The following MED6 variants were observed in gnomAD, a reference collection of about 807,000 sequenced individuals.
MED6 encodes mediator complex subunit 6.
MED6 carries 33 observed loss-of-function variants against 37.5 expected under a neutral mutation model. That is an observed-to-expected ratio of 0.88 (90% CI 0.67 to 1.18). The LOEUF is 1.18. Among genes scored for constraint, MED6 ranks in the 50% most tolerant of loss-of-function variants. The pLI is 0.00. For synonymous variants in MED6, 94 were observed against 93.6 expected (o/e 1.00, Z -0.02); for missense variants, 235 against 290.6 (o/e 0.81, Z 1.39).
intron 3 of MED6, chr14:70,595,076 A>G (rs1885001984): frequency 1.8e-6 from 1 of 544,372 alleles, no homozygotes; most frequent in Non-Finnish European, 3.7e-6. Flanking sequence ...CTGGCCATGT[A>G]TCAGTCTGTG....
rs1282841723 is a variant in MED6 at position 70,583,941 on chromosome 14, C to G, written c.*872G>C. On this transcript the variant is annotated 3_prime_UTR_variant, in exon 8 of 8. Coordinates refer to ENST00000256379, the MANE Select transcript of MED6 (RefSeq NM_005466.4). The stretch of plus-strand genomic sequence containing the variant: ...CAATCAATGCTGGACTTCTCAGCCT[C>G]CATAACTTTAAAAAAAATAAAATTC... 4.5e-6 allele frequency: 2 copies of G among 444,416 alleles called. No homozygotes were observed. The highest frequency in any genetic ancestry group is 7.9e-6 in the Non-Finnish European group (2 of 253,164). The allele number at this position is 444,416 out of a possible 1,614,324, so 27.5% of individuals were successfully genotyped here. A position where few individuals can be genotyped will look rare whatever the true frequency, so the allele number is the denominator to read the frequency against.
In MED6 at chr14:70,591,597, A is replaced by C. The variant is rs988056386; in HGVS notation, c.467-216T>G. Reference sequence around the variant, plus strand: ...AAGTTAAATTCTAACATTTAAGCTGATACATATGTCTTTTAAAGATACTTC... The same window carrying C: ...AAGTTAAATTCTAACATTTAAGCTGCTACATATGTCTTTTAAAGATACTTC... On this transcript the variant is annotated intron_variant, in intron 5 of 7. Coordinates refer to ENST00000256379, the MANE Select transcript of MED6 (RefSeq NM_005466.4). 2.0e-5 allele frequency: 9 copies of C among 440,998 alleles called. No homozygotes were observed. In the Admixed American group the frequency reaches 3.0e-4, roughly 15 times the overall value. 27.3% of individuals were successfully genotyped at this position (440,998 alleles called of 1,614,324 possible).
chr14:70,593,477 G>C, intron 3 of MED6, 99 bp from the exon 4 acceptor site: 1 of 954,320 alleles, frequency 1.0e-6, no homozygotes, highest in Non-Finnish European at 1.6e-6. Flanking sequence ...TTTCCCATAA[G>C]GCAGGGTTTA....
chr14:70,591,431 T>A, intron 5 of MED6, 50 bp from the exon 6 acceptor site: 2 of 1,416,038 alleles, frequency 1.4e-6, no homozygotes, highest in Non-Finnish European at 2.0e-6. Context: ...TAGTTTGGTG[T>A]CTCATATTTT....
chr14:70,586,615 TCTTCACTTCTAATGCCTCCA>T (rs1884715076), intron 6 of MED6, among the ~76,000 whole-genome samples: 1 of 152,220 alleles, frequency 6.6e-6, no homozygotes, highest in Non-Finnish European at 1.5e-5. Flanking sequence ...AAAAACAGTC[TCTTCACTTCTAATGCCTCCA>T]TCTGTGTGCT....
chr14:70,593,244 G>T (rs773514499), intron 4 of MED6, 52 bp downstream of exon 4: 4 of 1,455,160 alleles, frequency 2.7e-6, no homozygotes, highest in Admixed American at 3.4e-5. Flanking sequence ...CTGGAAGCAA[G>T]GTAGCTAATT....
chr14:70,588,809 A>C (rs1334461104), intron 6 of MED6, among the ~76,000 whole-genome samples: 3 of 151,556 alleles, frequency 2.0e-5, no homozygotes, highest in Non-Finnish European at 4.4e-5. Context: ...GAGGCAGGCT[A>C]AAGGGTAGAG....
intron 6 of MED6, 113 bp downstream of exon 6, chr14:70,591,152 CT>C: frequency 1.3e-6 from 1 of 777,624 alleles, no homozygotes; most frequent in Non-Finnish European, 2.0e-6. Context: ...CATTTTTTAA[CT>C]AATGAGGAAA....
At chr14:70,593,636 G>GA (rs536566364) in intron 3 of MED6, among the ~76,000 whole-genome samples, 60 of 152,208 alleles carry the variant, frequency 3.9e-4, no homozygotes, top group Non-Finnish European at 7.5e-4. Context: ...GCCCTTTTCA[G>GA]AAAAAGTATG....
chr14:70,584,764 T>A lies in MED6; in HGVS notation c.*49A>T. ...AAGCTCAAGAGCCACAGTACTGAGG[T>A]ATGATAACTAGCATGAGGAGTCTTC... On this transcript the variant is annotated 3_prime_UTR_variant, in exon 8 of 8. Coordinates refer to ENST00000256379, the MANE Select transcript of MED6 (RefSeq NM_005466.4). 1 of 1,593,526 alleles carries A rather than the reference T, an allele frequency of 6.3e-7. No homozygotes were observed. Among genetic ancestry groups the A allele is most frequent in the Non-Finnish European group, 8.5e-7 (1 of 1,171,896 alleles).
At chr14:70,589,332 A>G (rs989017244) in intron 6 of MED6, among the ~76,000 whole-genome samples, 1 of 152,124 alleles carries the variant, frequency 6.6e-6, no homozygotes, top group Admixed American at 6.6e-5. Flanking sequence ...CCCTGACTCC[A>G]AACTTCACAT....
chr14:70,592,453 C>T (rs1038447754), intron 5 of MED6: 2 of 155,556 alleles, frequency 1.3e-5, no homozygotes, highest in African/African-American at 5.0e-5. Flanking sequence ...TCTGCTCATT[C>T]CACACCACTG....
intron 6 of MED6, among the ~76,000 whole-genome samples, chr14:70,586,488 C>T (rs1437079617): frequency 1.3e-5 from 2 of 152,156 alleles, no homozygotes; most frequent in African/African-American, 4.8e-5. Flanking sequence ...AACAACAAAA[C>T]CAGGATGCCA....
intron 6 of MED6, among the ~76,000 whole-genome samples, chr14:70,590,392 C>T (rs190335100): frequency 6.6e-6 from 1 of 152,196 alleles, no homozygotes; most frequent in South Asian, 2.1e-4. Context: ...GCTTTCCTGT[C>T]CTGAGTTCCA....
chr14:70,593,329 T>C lies in MED6; in HGVS notation c.324A>G (p.Ala108=), dbSNP rs779789860. The C allele has an allele frequency of 6.2e-7, 1 of 1,614,030 alleles. No individual in the cohort carries two copies. Among genetic ancestry groups the C allele is most frequent in the Non-Finnish European group, 8.5e-7 (1 of 1,179,934 alleles). The change falls in exon 4 of 8, where the codon GCA becomes GCG. Residue 108 remains alanine, a synonymous_variant. Coordinates refer to ENST00000256379, the MANE Select transcript of MED6 (RefSeq NM_005466.4). ...AGTTTATAACTGATCCCAAGTCTGG[T>C]GCCTGATAGATCACTCCAGCAATGA... The part of the protein sequence containing the change: ...YYIIAGVIYQ[A]PDLGSVINSR...
At chr14:70,595,436 AGGTACGGTCCAGTCCTTG>A (rs1566677454) in intron 3 of MED6, 1 of 585,982 alleles carries the variant, frequency 1.7e-6, no homozygotes, top group East Asian at 3.5e-5. Context: ...CGGAGCTGAG[AGGTACGGTCCAGTCCTTG>A]GAGACTGACC....
chr14:70,595,365 G>A (rs1402790010), intron 3 of MED6: 4 of 565,924 alleles, frequency 7.1e-6, no homozygotes, highest in Non-Finnish European at 1.4e-5. Flanking sequence ...GCAGATTGAG[G>A]AGAACACCAC....
Position 70,594,982 on chromosome 14 carries a change from T to C in MED6, c.275-1604A>G, listed in dbSNP as rs1884997900. 5.1e-6 allele frequency: 3 copies of C among 592,180 alleles called. No individual in the cohort carries two copies. The Admixed American group carries it at 5.6e-5, about 11-fold the overall frequency. 36.7% of individuals were successfully genotyped at this position (592,180 alleles called of 1,614,324 possible). A position where few individuals can be genotyped will look rare whatever the true frequency, so the allele number is the denominator to read the frequency against. ...CGAGGACCTGAGGGCTCAGATCTTC[T>C]CAAGTACTGTGGACAATGCCCACAT... On this transcript the variant is annotated intron_variant, in intron 3 of 7. Coordinates refer to ENST00000256379, the MANE Select transcript of MED6 (RefSeq NM_005466.4).
chr14:70,585,371 T>C (rs1884673362), intron 7 of MED6, among the ~76,000 whole-genome samples: 1 of 146,438 alleles, frequency 6.8e-6, no homozygotes, highest in South Asian at 2.1e-4. Flanking sequence ...ACTACCACAA[T>C]CACTACCACA....
Sources: allele counts gnomAD v4.1 joint callset (sites outside exome capture counted in the v4.1 genomes callset), GRCh38; gene constraint gnomAD v4.1.1; transcripts MANE v1.5; gene names NCBI Gene and HGNC (gene_info 2026-07-23, HGNC 2026-07-21).